NUDT5: variants seen among roughly 807,000 people sequenced by gnomAD.
The protein encoded by NUDT5 is ADP-sugar pyrophosphatase.
NUDT5 carries 21 observed loss-of-function variants against 34.1 expected under a neutral mutation model. The observed-to-expected ratio is 0.62, with a 90% CI of 0.44 to 0.89. NUDT5 has a LOEUF of 0.89. Among genes scored for constraint, NUDT5 ranks in the 40% least tolerant of loss-of-function variants. The pLI is 0.00. For synonymous variants in NUDT5, 85 were observed against 97.6 expected, an observed-to-expected ratio of 0.87 and a Z score of 0.76; for missense variants, 249 against 274.8, an observed-to-expected ratio of 0.91 and a Z score of 0.66.
At chr10:12,191,853 T>C (rs1835236193) in intron 1 of NUDT5, among the ~76,000 whole-genome samples, 1 of 152,212 alleles carries the variant, frequency 6.6e-6, no homozygotes, top group South Asian at 2.1e-4. Context: ...AACAGCTGCA[T>C]AAAGAGTTAA....
At position 12,170,683 on chromosome 10, in the gene NUDT5, G is replaced by A. The variant is rs1463428974; in HGVS notation, c.550+34C>T. 6.2e-7 allele frequency: 1 copy of A among 1,605,582 alleles called. No homozygotes were observed. Among genetic ancestry groups the A allele is most frequent in the African/African-American group, 1.3e-5 (1 of 74,754 alleles). On this transcript the variant is annotated intron_variant, in intron 9 of 9. Transcript: ENST00000491614. This position sits in a 1 kb window ranked among gnomAD's most constrained non-coding sequence, Gnocchi z 4.9. ...TGCTGGGATGGGGACGGGGAGAACTGGAGAAACTGGGTGGCGGTCTGGAGA... is the reference window on the plus strand; with the variant it reads ...TGCTGGGATGGGGACGGGGAGAACTAGAGAAACTGGGTGGCGGTCTGGAGA...
chr10:12,184,979 G>A (rs1564426321), intron 2 of NUDT5, 23 bp from the exon 3 acceptor site: 11 of 1,323,990 alleles, frequency 8.3e-6, no homozygotes, highest in Non-Finnish European at 1.1e-5. Context: ...CAGATAATAA[G>A]TTGGGAAACT....
chr10:12,195,133 C>G (rs1835311479), intron 1 of NUDT5, among the ~76,000 whole-genome samples: 1 of 152,196 alleles, frequency 6.6e-6, no homozygotes, highest in Non-Finnish European at 1.5e-5. Flanking sequence ...GCACTCCAAT[C>G]TGGGCACAGA....
At chr10:12,194,977 A>C (rs1835306952) in intron 1 of NUDT5, among the ~76,000 whole-genome samples, 1 of 152,154 alleles carries the variant, frequency 6.6e-6, no homozygotes, top group African/African-American at 2.4e-5. Context: ...AGCCTGGCAA[A>C]TATGGTGAAA....
intron 4 of NUDT5, among the ~76,000 whole-genome samples, chr10:12,178,350 A>G (rs976290113): frequency 1.2e-4 from 17 of 144,940 alleles, no homozygotes; most frequent in Non-Finnish European, 1.8e-4. Flanking sequence ...TTCCAGTTTT[A>G]GGGTAAAAGA....
chr10:12,186,106 T>A, intron 2 of NUDT5, 123 bp downstream of exon 2: 2 of 783,000 alleles, frequency 2.6e-6, no homozygotes, highest in East Asian at 2.6e-5. Context: ...AAAAAGGGAG[T>A]AGGAAAAATC....
At position 12,187,327 on chromosome 10, in the gene NUDT5, G is replaced by A. The variant is rs373448946; in HGVS notation, c.-41-995C>T. Among the ~76,000 whole-genome samples, 3 of 152,164 alleles carry A rather than the reference G, an allele frequency of 2.0e-5. No homozygotes were observed. The highest frequency in any genetic ancestry group is 7.2e-5 in the African/African-American group (3 of 41,432). On this transcript the variant is annotated intron_variant, in intron 1 of 9. Transcript: ENST00000491614. The surrounding 1 kb of genome is among the most constrained non-coding windows in gnomAD (Gnocchi z 5.4). ...GCTGGGATTACAGGCATGAGCCACT[G>A]GACCCACCTCCCCACTTACTTTTAA...
At chr10:12,191,924 AC>A (rs1049862396) in intron 1 of NUDT5, among the ~76,000 whole-genome samples, 8 of 152,186 alleles carry the variant, frequency 5.3e-5, no homozygotes, top group Non-Finnish European at 1.0e-4. Flanking sequence ...TGCAGTTGGC[AC>A]TGAGGCTCAT....
chr10:12,179,764 G>GC (rs1835015535), intron 3 of NUDT5, among the ~76,000 whole-genome samples: 1 of 152,148 alleles, frequency 6.6e-6, no homozygotes, highest in Non-Finnish European at 1.5e-5. Context: ...TTAGCTATTG[G>GC]TTTCTGACTG....
chr10:12,169,872 CA>C lies in NUDT5; in HGVS notation c.550+844del, dbSNP rs771740279. The C allele has an allele frequency of 3.9e-5, 16 of 415,582 alleles. No individual in the cohort carries two copies. The highest frequency in any genetic ancestry group is 6.8e-5 in the Non-Finnish European group (16 of 234,600). 25.7% of individuals were successfully genotyped at this position (415,582 alleles called of 1,614,324 possible). A position where few individuals can be genotyped will look rare whatever the true frequency, so the allele number is the denominator to read the frequency against. ...TCAGGCCAAACAATGCTTCAAATCA[CA>C]TTTGAAGTAATCACTTAAAAACAGT... On this transcript the variant is annotated intron_variant, in intron 9 of 9. Transcript: ENST00000491614. The surrounding 1 kb of genome is among the most constrained non-coding windows in gnomAD (Gnocchi z 4.8).
Position 12,173,714 on chromosome 10 carries a change from C to G in NUDT5, c.385+4G>C. 6.2e-7 allele frequency: 1 copy of G among 1,610,074 alleles called. No homozygotes were observed. The highest frequency in any genetic ancestry group is 1.7e-4 in the Middle Eastern group (1 of 6,050). Reference sequence around the variant, plus strand: ...CACTTGGTGAATTTTCAAGCAATACCAACCTGGAGAACATTCGGCAATGTC... The same window carrying G: ...CACTTGGTGAATTTTCAAGCAATACGAACCTGGAGAACATTCGGCAATGTC... On this transcript the variant is annotated splice_donor_region_variant and intron_variant, in intron 6 of 9. Transcript: ENST00000491614. The surrounding 1 kb of genome is among the most constrained non-coding windows in gnomAD (Gnocchi z 4.7).
At chr10:12,194,031 C>T (rs1419982947) in intron 1 of NUDT5, among the ~76,000 whole-genome samples, 1 of 152,234 alleles carries the variant, frequency 6.6e-6, no homozygotes, top group Non-Finnish European at 1.5e-5. Context: ...CATGCGCCAA[C>T]ACGCCCGGCT....
In NUDT5 at chr10:12,165,409, G is replaced by A. The variant is rs540785749; in HGVS notation, c.*2293C>T. ...AAAATAAAGAAATCTGATATTAAAC[G>A]TTTTCTAAGATCATTTGTATAGGTT... On this transcript the variant is annotated 3_prime_UTR_variant, in exon 10 of 10. Transcript: ENST00000491614. 1.1e-5 allele frequency: 10 copies of A among 941,558 alleles called. No homozygotes were observed. The highest frequency in any genetic ancestry group is 5.5e-4 in the Middle Eastern group (1 of 1,818). 58.3% of individuals were successfully genotyped at this position (941,558 alleles called of 1,614,324 possible).
At chr10:12,184,137 C>T (rs558015151) in intron 3 of NUDT5, among the ~76,000 whole-genome samples, 2 of 152,208 alleles carry the variant, frequency 1.3e-5, no homozygotes, top group South Asian at 2.1e-4. Context: ...CTGCAACTTC[C>T]GCCTCCCGGG....
chr10:12,179,076 C>A lies in NUDT5; in HGVS notation c.181+7G>T. 6.2e-7 allele frequency: 1 copy of A among 1,612,946 alleles called. No homozygotes were observed. The highest frequency in any genetic ancestry group is 8.5e-7 in the Non-Finnish European group (1 of 1,178,916). On this transcript the variant is annotated splice_region_variant and intron_variant, in intron 4 of 9. Transcript: ENST00000491614. ...TCTAAAGGGTTGGAATAGGTTTGCA[C>A]TCCTACCATCCGCAGTCTGCTCTTT...
At chr10:12,179,035 A>C (rs769737096) in intron 4 of NUDT5, 48 bp downstream of exon 4, 13 of 1,492,686 alleles carry the variant, frequency 8.7e-6, no homozygotes, top group Admixed American at 3.4e-5. Context: ...TTACGATCAC[A>C]AGTGCTAACT....
chr10:12,167,976 A>G, intron 9 of NUDT5, 165 bp from the exon 10 acceptor site: 1 of 1,297,128 alleles, frequency 7.7e-7, no homozygotes, highest in South Asian at 1.7e-5. Flanking sequence ...AATAAAGACT[A>G]TAAAGGCAAG....
intron 2 of NUDT5, among the ~76,000 whole-genome samples, chr10:12,185,205 G>A (rs1835105725): frequency 6.6e-6 from 1 of 151,982 alleles, no homozygotes; most frequent in Non-Finnish European, 1.5e-5. Context: ...AGAAATGACA[G>A]TCTAAAAACT....
intron 3 of NUDT5, among the ~76,000 whole-genome samples, chr10:12,180,655 G>A (rs1269158978): frequency 6.6e-6 from 1 of 152,228 alleles, no homozygotes; most frequent in Non-Finnish European, 1.5e-5. Context: ...AAGGGCCTGT[G>A]AGATGCACAG....
Sources: gnomAD v4.1 joint callset for allele counts (sites outside exome capture counted in the v4.1 genomes callset) on GRCh38, gnomAD v4.1.1 for gene constraint, Gnocchi (gnomAD v3.1) non-coding constraint, MANE v1.5 for transcripts, NCBI Gene and HGNC (gene_info 2026-07-23, HGNC 2026-07-21) for gene names.